DLC1: variants seen among roughly 807,000 people sequenced by gnomAD.
DLC1 encodes the protein DLC1 Rho GTPase activating protein.
A neutral mutation model predicts 140.3 loss-of-function variants in DLC1; 54 were observed. The observed-to-expected ratio is 0.38, with a 90% CI of 0.31 to 0.48. The LOEUF (loss-of-function observed/expected upper bound fraction) is 0.48, where lower values mean the gene tolerates loss of function less well. Ranked by LOEUF, DLC1 falls within the 20% of genes least tolerant of loss-of-function variation. The pLI is 0.96. For missense variants in DLC1, 2,536 were observed against 1,907.0 expected, an observed-to-expected ratio of 1.33 and a Z score of -6.14; for synonymous variants, 986 against 728.1, an observed-to-expected ratio of 1.35 and a Z score of -5.70.
intron 1 of DLC1, among the ~76,000 whole-genome samples, chr8:13,504,188 G>A (rs1486344683): frequency 3.4e-5 from 5 of 145,382 alleles, no homozygotes; most frequent in Non-Finnish European, 3.0e-5. Context: ...GTGCAATGGC[G>A]CCATCTCAGC....
intron 2 of DLC1, among the ~76,000 whole-genome samples, chr8:13,404,032 A>G (rs10091631): frequency 0.054 from 8,279 of 151,958 alleles, 795 homozygotes; most frequent in African/African-American, 0.19. Context: ...CTTTATCCTA[A>G]GGTTATTTTT....
intron 4 of DLC1, among the ~76,000 whole-genome samples, chr8:13,360,793 C>A (rs1671425): frequency 2.0e-5 from 3 of 151,918 alleles, no homozygotes; most frequent in African/African-American, 4.8e-5. Context: ...TTACTACCCA[C>A]ATACAAACAT....
At chr8:13,402,238 A>G (rs1009391787) in intron 2 of DLC1, among the ~76,000 whole-genome samples, 3 of 152,208 alleles carry the variant, frequency 2.0e-5, no homozygotes, top group African/African-American at 7.2e-5. Context: ...ATTTTTGTAA[A>G]TGAGTATGGT....
intron 2 of DLC1, among the ~76,000 whole-genome samples, chr8:13,471,086 G>A (rs117087752): frequency 0.028 from 4,188 of 151,882 alleles, 75 homozygotes; most frequent in Middle Eastern, 0.041. Flanking sequence ...GTCTACAATG[G>A]TCAAATTCAT....
intron 5 of DLC1, among the ~76,000 whole-genome samples, chr8:13,275,896 A>G (rs1831142534): frequency 6.6e-6 from 1 of 152,178 alleles, no homozygotes; most frequent in South Asian, 2.1e-4. Flanking sequence ...CTGACCCGAG[A>G]CAGCCCCGAG....
At chr8:13,413,210 A>G (rs1445952719) in intron 2 of DLC1, among the ~76,000 whole-genome samples, 1 of 148,676 alleles carries the variant, frequency 6.7e-6, no homozygotes, top group Non-Finnish European at 1.5e-5. Context: ...ATATGGCCCA[A>G]CACAAATTCG....
At chr8:13,263,196 C>G (rs1183853608) in intron 5 of DLC1, among the ~76,000 whole-genome samples, 2 of 152,044 alleles carry the variant, frequency 1.3e-5, no homozygotes, top group African/African-American at 4.8e-5. Flanking sequence ...TGGAAGCCTG[C>G]AAGAGTTTTT....
intron 7 of DLC1, among the ~76,000 whole-genome samples, chr8:13,109,222 T>C (rs566910905): frequency 2.0e-5 from 3 of 152,078 alleles, no homozygotes; most frequent in Non-Finnish European, 4.4e-5. Flanking sequence ...AGGAAAGAAA[T>C]ACTGGGTGTC....
chr8:13,489,640 G>C (rs777593048), intron 2 of DLC1, among the ~76,000 whole-genome samples: 2 of 151,890 alleles, frequency 1.3e-5, no homozygotes, highest in African/African-American at 4.8e-5. Context: ...AGAAAGATAC[G>C]TGTGAGGGAA....
At chr8:13,289,314 C>T (rs1270739953) in intron 5 of DLC1, among the ~76,000 whole-genome samples, 1 of 152,116 alleles carries the variant, frequency 6.6e-6, no homozygotes, top group Non-Finnish European at 1.5e-5. Flanking sequence ...CCTCAGCCTC[C>T]AGAGTAGCTA....
chr8:13,442,731 T>C (rs1180201420), intron 2 of DLC1, among the ~76,000 whole-genome samples: 2 of 152,236 alleles, frequency 1.3e-5, no homozygotes, highest in African/African-American at 2.4e-5. Flanking sequence ...TGTGGAGATA[T>C]AGGAACACTT....
In DLC1 at chr8:13,396,993, G is replaced by A. The variant is rs182129510; in HGVS notation, c.1174-3300C>T. On this transcript the variant is annotated intron_variant, in intron 3 of 17. Transcript: ENST00000276297. ...AATTAATCCTACAGGCCATCTTCCT[G>A]CAAGACTCCATCTATCAGTGTTACC... Among the ~76,000 whole-genome samples the A allele has an allele frequency of 1.7e-4, 25 of 147,522 alleles. No individual in the cohort carries two copies. The East Asian group carries it at 4.4e-3, about 26-fold the overall frequency.
At chr8:13,128,839 A>G (rs1330275392) in intron 5 of DLC1, among the ~76,000 whole-genome samples, 1 of 151,294 alleles carries the variant, frequency 6.6e-6, no homozygotes, top group East Asian at 1.9e-4. Flanking sequence ...CGTCTCAAAA[A>G]AAAAAAAGAG....
intron 2 of DLC1, among the ~76,000 whole-genome samples, chr8:13,404,346 G>T (rs1444779993): frequency 1.3e-5 from 2 of 152,132 alleles, no homozygotes; most frequent in Non-Finnish European, 2.9e-5. Flanking sequence ...GTTACTGACT[G>T]CAGGGTTGGA....
chr8:13,477,360 A>G (rs752401923), intron 2 of DLC1, among the ~76,000 whole-genome samples: 1 of 152,230 alleles, frequency 6.6e-6, no homozygotes, highest in Non-Finnish European at 1.5e-5. Context: ...TGAGGTAATC[A>G]GGTATGTACA....
intron 1 of DLC1, among the ~76,000 whole-genome samples, chr8:13,603,303 A>T (rs911763651): frequency 1.3e-5 from 2 of 151,780 alleles, no homozygotes; most frequent in Non-Finnish European, 2.9e-5. Context: ...ATCATCATTC[A>T]TTACGAGTCT....
chr8:13,103,154 C>CA (rs997304999), intron 7 of DLC1, among the ~76,000 whole-genome samples: 2 of 151,444 alleles, frequency 1.3e-5, no homozygotes, highest in African/African-American at 4.9e-5. Context: ...ACTAAAAATA[C>CA]AAAAAAACAA....
intron 4 of DLC1, among the ~76,000 whole-genome samples, chr8:13,322,532 T>C (rs1192190107): frequency 6.6e-6 from 1 of 152,206 alleles, no homozygotes; most frequent in Non-Finnish European, 1.5e-5. Flanking sequence ...ACTGGGTATC[T>C]AGAGACCTCA....
At chr8:13,253,647 T>C (rs1347227590) in intron 5 of DLC1, among the ~76,000 whole-genome samples, 1 of 152,176 alleles carries the variant, frequency 6.6e-6, no homozygotes, top group Admixed American at 6.5e-5. Context: ...TAACCGAAAA[T>C]AGCAATTGAA....
Sources: gnomAD v4.1 joint callset for allele counts (sites outside exome capture counted in the v4.1 genomes callset) on GRCh38, gnomAD v4.1.1 for gene constraint, MANE v1.5 for transcripts, NCBI Gene and HGNC (gene_info 2026-07-23, HGNC 2026-07-21) for gene names.